Variants in RIMS2 observed in about 807,000 individuals in gnomAD.
RIMS2 encodes the protein regulating synaptic membrane exocytosis 2, also known as regulating synaptic membrane exocytosis protein 2.
Under a neutral mutation model 174.4 loss-of-function variants are expected in RIMS2, and 59 were observed. That is an observed-to-expected ratio of 0.34 (90% CI 0.27 to 0.42). The LOEUF (loss-of-function observed/expected upper bound fraction) is 0.42, where lower values mean the gene tolerates loss of function less well. RIMS2 is among the 10% of genes least tolerant of loss of function. The pLI is 1.00. For synonymous variants in RIMS2, 606 were observed against 572.5 expected (o/e 1.06, Z -0.84); for missense variants, 1,620 against 1,666.3 (o/e 0.97, Z 0.48).
chr8:103,945,498 C>T (rs2083500327), intron 14 of RIMS2, among the ~76,000 whole-genome samples: 1 of 152,008 alleles, frequency 6.6e-6, no homozygotes, highest in Non-Finnish European at 1.5e-5. Flanking sequence ...AAGAAAACTA[C>T]AGACCAATAT....
chr8:104,015,703 A>T (rs966003962), intron 19 of RIMS2, among the ~76,000 whole-genome samples: 18 of 152,206 alleles, frequency 1.2e-4, no homozygotes, highest in Middle Eastern at 3.4e-3. Context: ...AAATGACCAG[A>T]TAAAATGTGC....
intron 19 of RIMS2, among the ~76,000 whole-genome samples, chr8:104,045,433 ACAATTTTTT>A: frequency 6.6e-6 from 1 of 152,058 alleles, no homozygotes; most frequent in East Asian, 1.9e-4. Context: ...ATTTCATATG[ACAATTTTTT>A]AAAATAATTG....
chr8:104,187,179 T>C (rs2098972781), intron 19 of RIMS2, among the ~76,000 whole-genome samples: 1 of 151,926 alleles, frequency 6.6e-6, no homozygotes, highest in East Asian at 1.9e-4. Flanking sequence ...TCTTGCCTTT[T>C]CCTTCATGGA....
At chr8:103,597,437 G>A (rs1339392728) in intron 1 of RIMS2, among the ~76,000 whole-genome samples, 1 of 151,958 alleles carries the variant, frequency 6.6e-6, no homozygotes, top group East Asian at 1.9e-4. Context: ...GCTCCATTTA[G>A]CCTCCTGCTT....
chr8:104,147,466 T>C (rs1275708114), intron 19 of RIMS2, among the ~76,000 whole-genome samples: 1 of 152,186 alleles, frequency 6.6e-6, no homozygotes, highest in Non-Finnish European at 1.5e-5. Context: ...TACTCTAGGA[T>C]AGAAAACACT....
chr8:103,753,862 A>G (rs575308153), intron 2 of RIMS2, among the ~76,000 whole-genome samples: 6 of 152,052 alleles, frequency 3.9e-5, no homozygotes, highest in African/African-American at 1.2e-4. Context: ...AATTTTGTCA[A>G]TCTTTTAAAA....
rs925483242 is a variant in RIMS2, at chr8:104,084,684, G to T, written c.3334+70069G>T. Among the ~76,000 whole-genome samples, 7 of 151,934 alleles carry T rather than the reference G, an allele frequency of 4.6e-5. No individual in the cohort carries two copies. The South Asian group carries it at 1.2e-3, about 27-fold the overall frequency. On this transcript the variant is annotated intron_variant, in intron 19 of 23. Coordinates refer to ENST00000504942, the Ensembl canonical transcript of RIMS2. ...TTTTTGAGCTCATGGCTTAATGATG[G>T]TGAATATTTAGTATCATAATGTACA...
In RIMS2 at chr8:103,756,539, A is replaced by G. The variant is rs115094890; in HGVS notation, c.388-9688A>G. Reference sequence around the variant, plus strand: ...AGCCTTGACCTGCTGGGCTCAACTGATCCTCCTGTCTCAGCCCTATGGTGG... The same window carrying G: ...AGCCTTGACCTGCTGGGCTCAACTGGTCCTCCTGTCTCAGCCCTATGGTGG... On this transcript the variant is annotated intron_variant, in intron 2 of 23. Coordinates refer to ENST00000504942, the Ensembl canonical transcript of RIMS2. Among the ~76,000 whole-genome samples, 937 of 150,916 alleles carry G rather than the reference A, an allele frequency of 6.2e-3. 9 individuals carry two copies. The highest frequency in any genetic ancestry group is 0.022 in the African/African-American group (883 of 41,068).
rs532494657 is a variant in RIMS2, at chr8:103,552,569, C to T, written c.176+51507C>T. Among the ~76,000 whole-genome samples the T allele has an allele frequency of 2.6e-5, 4 of 152,268 alleles. No homozygotes were observed. In the East Asian group the frequency reaches 5.8e-4, roughly 22 times the overall value. ...GACTTCATGACTAAAACACCAAAAG[C>T]AATGGCAACAAAAGCCAAAATAGAC... On this transcript the variant is annotated intron_variant, in intron 1 of 23. Transcript: ENST00000504942.
At chr8:103,951,842 A>T (rs942324828) in intron 14 of RIMS2, among the ~76,000 whole-genome samples, 1 of 152,210 alleles carries the variant, frequency 6.6e-6, no homozygotes, top group Admixed American at 6.5e-5. Flanking sequence ...CAGCAAGCTA[A>T]GATACACTGT....
chr8:103,983,571 T>C (rs1253349492), intron 16 of RIMS2, among the ~76,000 whole-genome samples: 2 of 152,078 alleles, frequency 1.3e-5, no homozygotes, highest in Middle Eastern at 3.2e-3. Context: ...TGGAACACAA[T>C]AGAGAACCCA....
At chr8:104,230,050 T>A (rs2099216141) in intron 19 of RIMS2, among the ~76,000 whole-genome samples, 1 of 151,684 alleles carries the variant, frequency 6.6e-6, no homozygotes, top group Admixed American at 6.6e-5. Flanking sequence ...GAGGCTGAGG[T>A]GGGCGGATCA....
chr8:104,195,491 T>C (rs1288443943), intron 19 of RIMS2, among the ~76,000 whole-genome samples: 1 of 148,718 alleles, frequency 6.7e-6, no homozygotes, highest in Admixed American at 6.8e-5. Flanking sequence ...TAATGAAGTG[T>C]AAGGGTGGCA....
At chr8:104,003,835 A>G (rs1337094473) in intron 17 of RIMS2, among the ~76,000 whole-genome samples, 1 of 152,156 alleles carries the variant, frequency 6.6e-6, no homozygotes, top group East Asian at 1.9e-4. Flanking sequence ...ACCTTAGAGT[A>G]CCTACCTATA....
chr8:104,141,711 C>T (rs1354908856), intron 19 of RIMS2, among the ~76,000 whole-genome samples: 2 of 152,154 alleles, frequency 1.3e-5, no homozygotes, highest in Non-Finnish European at 2.9e-5. Flanking sequence ...TGTAAATTTC[C>T]TCTAACAAGC....
At chr8:104,248,519 G>C (rs2099347295) in intron 20 of RIMS2, among the ~76,000 whole-genome samples, 182 bp from the exon 27 acceptor site, 1 of 152,148 alleles carries the variant, frequency 6.6e-6, no homozygotes, top group Non-Finnish European at 1.5e-5. Flanking sequence ...TGTCATACTT[G>C]GGCTGCTGAG....
intron 19 of RIMS2, among the ~76,000 whole-genome samples, chr8:104,123,725 A>C (rs2132478583): frequency 6.6e-6 from 1 of 152,246 alleles, no homozygotes; most frequent in South Asian, 2.1e-4. Context: ...ATAATGCTTT[A>C]AATTATTTTC....
intron 2 of RIMS2, among the ~76,000 whole-genome samples, chr8:103,714,940 G>A (rs1385017312): frequency 6.6e-6 from 1 of 152,136 alleles, no homozygotes; most frequent in Non-Finnish European, 1.5e-5. Context: ...ATTTTAACAT[G>A]TAATTATATT....
At chr8:104,236,393 C>T (rs958287827) in intron 19 of RIMS2, among the ~76,000 whole-genome samples, 7 of 151,916 alleles carry the variant, frequency 4.6e-5, no homozygotes, top group Non-Finnish European at 7.4e-5. Flanking sequence ...AGTGCTGACC[C>T]TTGCCTGAAT....
Sources: gnomAD v4.1 joint callset for allele counts (sites outside exome capture counted in the v4.1 genomes callset) on GRCh38, gnomAD v4.1.1 for gene constraint, MANE v1.5 for transcripts, NCBI Gene and HGNC (gene_info 2026-07-23, HGNC 2026-07-21) for gene names.